The following MUSK variants were observed in gnomAD, a reference collection of about 807,000 sequenced individuals.
MUSK encodes muscle associated receptor tyrosine kinase.
Under a neutral mutation model 88.7 loss-of-function variants are expected in MUSK, and 55 were observed. That is an observed-to-expected ratio of 0.62 (90% CI 0.50 to 0.78). The LOEUF is 0.78. Ranked by LOEUF, MUSK falls within the 30% of genes least tolerant of loss-of-function variation. The pLI is 0.00. For synonymous variants in MUSK, 387 were observed against 391.9 expected (o/e 0.99, Z 0.15); for missense variants, 1,015 against 1,074.3 (o/e 0.94, Z 0.77).
At chr9:110,695,589 T>C in intron 4 of MUSK, 59 bp downstream of exon 4, 2 of 1,346,208 alleles carry the variant, frequency 1.5e-6, no homozygotes, top group Non-Finnish European at 2.0e-6. Context: ...ATAACATTTC[T>C]TTACACACTC....
chr9:110,702,212 GC>G (rs1422393854), intron 5 of MUSK, among the ~76,000 whole-genome samples: 1 of 152,002 alleles, frequency 6.6e-6, no homozygotes, highest in Non-Finnish European at 1.5e-5. Flanking sequence ...ATCTCTGGAA[GC>G]TCAAAATGGA....
In MUSK at chr9:110,690,857, T is replaced by A. The variant is rs569264886; in HGVS notation, c.358+3589T>A. 1.6e-3 allele frequency among the ~76,000 whole-genome samples: 222 copies of A among 135,484 alleles called. 1 individual carries two copies. The highest frequency in any genetic ancestry group is 5.8e-3 in the African/African-American group (211 of 36,362). The allele number at this position is 135,484 out of a possible 152,430, so 88.9% of individuals were successfully genotyped here. ...ATATAAATATAAGTATATATATAAA[T>A]ATATATATTTAAATAAATATATATA... On this transcript the variant is annotated intron_variant, in intron 3 of 14. Coordinates refer to ENST00000374448, the MANE Select transcript of MUSK (RefSeq NM_005592.4).
At chr9:110,675,807 C>G (rs1043087604) in intron 1 of MUSK, among the ~76,000 whole-genome samples, 1 of 151,478 alleles carries the variant, frequency 6.6e-6, no homozygotes, top group Admixed American at 6.6e-5. Flanking sequence ...TGGTCCTCCC[C>G]GCCTCGGCCT....
chr9:110,680,995 A>ATTATATTATATATATAAT (rs2076102216), intron 1 of MUSK, among the ~76,000 whole-genome samples: 1 of 57,152 alleles, frequency 1.7e-5, no homozygotes, highest in African/African-American at 8.1e-5. Context: ...TGATCCTTAT[A>ATTATATTATATATATAAT]ATATATTATA....
chr9:110,757,424 G>A (rs1227590910), intron 7 of MUSK, among the ~76,000 whole-genome samples: 5 of 149,556 alleles, frequency 3.3e-5, no homozygotes, highest in African/African-American at 1.2e-4. Context: ...GTGCCACTGA[G>A]CTCCAGCCTG....
At chr9:110,788,955 A>C (rs581130) in intron 14 of MUSK, among the ~76,000 whole-genome samples, 13,338 of 152,248 alleles carry the variant, frequency 0.088, 1,390 homozygotes, top group African/African-American at 0.25. Flanking sequence ...AGGAATAGCA[A>C]GGAGATGAAT....
chr9:110,698,182 C>A, intron 5 of MUSK, among the ~76,000 whole-genome samples: 1 of 152,130 alleles, frequency 6.6e-6, no homozygotes. Flanking sequence ...AAACTGAGTA[C>A]AAACCCTTCC....
chr9:110,705,102 A>G (rs1444004672), intron 5 of MUSK, among the ~76,000 whole-genome samples: 1 of 152,166 alleles, frequency 6.6e-6, no homozygotes, highest in Non-Finnish European at 1.5e-5. Context: ...GGAAGAATTA[A>G]TACATGTATT....
chr9:110,742,488 C>A (rs1246078282), intron 6 of MUSK, among the ~76,000 whole-genome samples: 2 of 151,714 alleles, frequency 1.3e-5, no homozygotes. Context: ...GGGAGACTGA[C>A]AATATAACTT....
intron 3 of MUSK, among the ~76,000 whole-genome samples, chr9:110,688,975 TAAATATATAC>T (rs1034539279): frequency 6.2e-5 from 9 of 145,104 alleles, no homozygotes; most frequent in African/African-American, 2.0e-4. Flanking sequence ...TACATATATT[TAAATATATAC>T]AAATATATAC....
intron 14 of MUSK, among the ~76,000 whole-genome samples, chr9:110,790,865 T>A (rs2077962016): frequency 6.6e-6 from 1 of 152,230 alleles, no homozygotes; most frequent in South Asian, 2.1e-4. Context: ...TGTGTATTTA[T>A]CCAAATGCTG....
intron 5 of MUSK, among the ~76,000 whole-genome samples, chr9:110,708,138 A>G (rs1253817498): frequency 6.7e-6 from 1 of 149,826 alleles, no homozygotes; most frequent in Admixed American, 6.7e-5. Context: ...CTATCTATCT[A>G]TCATGTCACA....
intron 7 of MUSK, among the ~76,000 whole-genome samples, chr9:110,759,628 AAAAC>A (rs1256668567): frequency 9.8e-5 from 15 of 152,360 alleles, no homozygotes; most frequent in African/African-American, 3.1e-4. Flanking sequence ...TACAAGGAAA[AAAAC>A]AAACAACCTC....
intron 9 of MUSK, among the ~76,000 whole-genome samples, chr9:110,773,018 G>A (rs1207316830): frequency 1.3e-5 from 2 of 151,930 alleles, no homozygotes; most frequent in Non-Finnish European, 2.9e-5. Flanking sequence ...GGCAAGAACC[G>A]CAATTACTTT....
At chr9:110,782,214 CA>C (rs2077771862) in intron 11 of MUSK, among the ~76,000 whole-genome samples, 1 of 151,964 alleles carries the variant, frequency 6.6e-6, no homozygotes, top group African/African-American at 2.4e-5. Flanking sequence ...GGAAAAGAAT[CA>C]AGACAGAAAA....
At chr9:110,761,708 G>A (rs1469050090) in intron 7 of MUSK, among the ~76,000 whole-genome samples, 3 of 150,978 alleles carry the variant, frequency 2.0e-5, no homozygotes, top group African/African-American at 7.3e-5. Context: ...CCCACGTAGC[G>A]GGATTACAGG....
chr9:110,801,065 C>A lies in MUSK; in HGVS notation c.*77C>A. On this transcript the variant is annotated 3_prime_UTR_variant, in exon 15 of 15. Transcript: ENST00000374448. ...CCAGGGGAATCCTACACCAGAGGCC[C>A]AACAAGACCCACATAGGAAAGAGTA... is the stretch of plus-strand genomic sequence containing the variant. The A allele has an allele frequency of 8.1e-7, 1 of 1,239,028 alleles. No homozygotes were observed. The highest frequency in any genetic ancestry group is 1.1e-6 in the Non-Finnish European group (1 of 925,000). 76.8% of individuals were successfully genotyped at this position (1,239,028 alleles called of 1,614,324 possible). A position where few individuals can be genotyped will look rare whatever the true frequency, so the allele number is the denominator to read the frequency against.
At position 110,732,373 on chromosome 9, in the gene MUSK, G is replaced by A. The variant is rs191977147; in HGVS notation, c.629-1878G>A. 7.2e-5 allele frequency among the ~76,000 whole-genome samples: 11 copies of A among 152,082 alleles called. No individual in the cohort carries two copies. In the East Asian group the frequency reaches 1.9e-3, roughly 27 times the overall value. On this transcript the variant is annotated intron_variant, in intron 5 of 14. Transcript: ENST00000374448. ...GAAAACATTAGAAGAGTACCTGGAC[G>A]CACCCTCACTACGATGCCTGTCAGT...
At chr9:110,768,681 G>T (rs2077523151) in intron 9 of MUSK, among the ~76,000 whole-genome samples, 1 of 152,008 alleles carries the variant, frequency 6.6e-6, no homozygotes, top group African/African-American at 2.4e-5. Flanking sequence ...CAGATGAAAG[G>T]AGAAATCTTA....
Sources: gnomAD v4.1 joint callset for allele counts (sites outside exome capture counted in the v4.1 genomes callset) on GRCh38, gnomAD v4.1.1 for gene constraint, MANE v1.5 for transcripts, NCBI Gene and HGNC (gene_info 2026-07-23, HGNC 2026-07-21) for gene names.